MPDZ: variants seen among roughly 807,000 people sequenced by gnomAD.
MPDZ encodes multiple PDZ domain crumbs cell polarity complex component.
Under a neutral mutation model 239.1 loss-of-function variants are expected in MPDZ, and 234 were observed. That is an observed-to-expected ratio of 0.98 (90% CI 0.88 to 1.09). The LOEUF (loss-of-function observed/expected upper bound fraction) is 1.09, where lower values mean the gene tolerates loss of function less well. Among genes scored for constraint, MPDZ ranks in the 50% least tolerant of loss-of-function variants. The pLI, the probability that MPDZ is intolerant of heterozygous loss-of-function variation, is 0.00. For missense variants in MPDZ, 3,175 were observed against 2,510.0 expected, an observed-to-expected ratio of 1.26 and a Z score of -5.66; for synonymous variants, 1,048 against 881.3, an observed-to-expected ratio of 1.19 and a Z score of -3.35.
chr9:13,181,969 G>C (rs1953400363), intron 19 of MPDZ, among the ~76,000 whole-genome samples: 1 of 152,078 alleles, frequency 6.6e-6, no homozygotes, highest in African/African-American at 2.4e-5. Context: ...TGAGAGAGGA[G>C]CAGCTGCTCC....
chr9:13,137,240 G>A (rs542140747), intron 29 of MPDZ, among the ~76,000 whole-genome samples: 2 of 152,248 alleles, frequency 1.3e-5, no homozygotes, highest in South Asian at 2.1e-4. Flanking sequence ...GTCACTGGGA[G>A]AAGAAATGCT....
intron 33 of MPDZ, 29 bp downstream of exon 33, chr9:13,126,651 T>A: frequency 6.2e-7 from 1 of 1,612,416 alleles, no homozygotes; most frequent in Non-Finnish European, 8.5e-7. Flanking sequence ...CCCCAACTAC[T>A]TAATGACAGC....
intron 22 of MPDZ, among the ~76,000 whole-genome samples, chr9:13,166,918 G>C (rs974500283): frequency 6.6e-6 from 1 of 152,038 alleles, no homozygotes; most frequent in African/African-American, 2.4e-5. Flanking sequence ...ATTTTTTAAC[G>C]ACTTTTAAAG....
intron 24 of MPDZ, among the ~76,000 whole-genome samples, chr9:13,156,272 C>T (rs6474754): frequency 0.47 from 71,170 of 152,066 alleles, 19,636 homozygotes; most frequent in African/African-American, 0.77. Flanking sequence ...GAGCCAAAAT[C>T]CTAACATGGC....
At position 13,165,969 on chromosome 9, in the gene MPDZ, G is replaced by A. The variant is rs117860613; in HGVS notation, c.3254+2397C>T. 7.9e-3 allele frequency among the ~76,000 whole-genome samples: 1,197 copies of A among 152,122 alleles called. 9 individuals are homozygous for A. The highest frequency in any genetic ancestry group is 0.027 in the Middle Eastern group (8 of 294). On this transcript the variant is annotated intron_variant, in intron 22 of 46. Coordinates refer to ENST00000319217, the MANE Select transcript of MPDZ (RefSeq NM_001378778.1). ...ACACAAAAGTTCCTAGCTATCTATC[G>A]TAAATGGCAAAAAAGAAATCCAGTG...
In MPDZ at chr9:13,123,286, G is replaced by A. The variant is rs781048567; in HGVS notation, c.4820C>T (p.Ser1607Leu). The A allele has an allele frequency of 1.2e-5, 20 of 1,609,658 alleles. No homozygotes were observed. Among genetic ancestry groups the A allele is most frequent in the African/African-American group, 2.7e-5 (2 of 74,792 alleles). The change falls in exon 36 of 47, where the codon TCA (serine) becomes TTA (leucine). Residue 1607 changes from serine to leucine, a missense_variant. Physicochemically the swap from Ser to Leu is moderately radical, Grantham distance 145. Transcript: ENST00000319217. ...AGAAGCAAAAATTGCTGGTGTTGAT[G>A]ATCTGCTTGTATCTAAAAATAAGTT... ...EPESIRNTSR[S>L]STPAIFASDP...
rs1944157524 is a variant in MPDZ at position 13,120,361 on chromosome 9, T to C, written c.5232-712A>G. On this transcript the variant is annotated intron_variant, in intron 38 of 46. Transcript: ENST00000319217. ...TTGCCAAGGTCATGACATCAAATCA[T>C]TTCACCATTTGATCCTCCGCTTTCC... 3 of 152,226 alleles carry C rather than the reference T, an allele frequency of 2.0e-5. No individual in the cohort carries two copies. In the South Asian group the frequency reaches 6.2e-4, roughly 32 times the overall value. The allele number at this position is 152,226 out of a possible 1,614,324, so 9.4% of individuals were successfully genotyped here. A position where few individuals can be genotyped will look rare whatever the true frequency, so the allele number is the denominator to read the frequency against.
At chr9:13,229,506 C>A (rs1171872236) in intron 3 of MPDZ, among the ~76,000 whole-genome samples, 1 of 146,784 alleles carries the variant, frequency 6.8e-6, no homozygotes, top group Non-Finnish European at 1.5e-5. Context: ...CAGATGTTAA[C>A]AAGATGATTT....
intron 12 of MPDZ, among the ~76,000 whole-genome samples, chr9:13,196,716 A>G (rs1955700150): frequency 6.6e-6 from 1 of 151,998 alleles, no homozygotes; most frequent in Non-Finnish European, 1.5e-5. Flanking sequence ...ATAATAATAA[A>G]CTAAGGCTAC....
chr9:13,226,260 T>C (rs1175650226), intron 3 of MPDZ, among the ~76,000 whole-genome samples: 1 of 152,166 alleles, frequency 6.6e-6, no homozygotes, highest in Non-Finnish European at 1.5e-5. Context: ...AATGATTCTA[T>C]AATTATTTGT....
intron 19 of MPDZ, among the ~76,000 whole-genome samples, chr9:13,179,256 A>C (rs1952949219): frequency 6.6e-6 from 1 of 152,164 alleles, no homozygotes; most frequent in Admixed American, 6.5e-5. Context: ...TGATAATTTT[A>C]TTCTTAGGAA....
At chr9:13,209,687 A>G (rs1174317746) in intron 10 of MPDZ, among the ~76,000 whole-genome samples, 1 of 152,198 alleles carries the variant, frequency 6.6e-6, no homozygotes, top group African/African-American at 2.4e-5. Context: ...GAAACTTACT[A>G]TCAAAATAGT....
At chr9:13,124,434 A>G (rs946893656) in intron 35 of MPDZ, among the ~76,000 whole-genome samples, 1 of 152,234 alleles carries the variant, frequency 6.6e-6, no homozygotes, top group African/African-American at 2.4e-5. Flanking sequence ...TTGGAGGCCA[A>G]AAGAAATTTC....
chr9:13,265,975 T>C (rs1971710890), intron 1 of MPDZ, among the ~76,000 whole-genome samples: 2 of 152,336 alleles, frequency 1.3e-5, no homozygotes, highest in South Asian at 2.1e-4. Context: ...TCTAGGACTT[T>C]CCCAACTCTT....
At position 13,185,917 on chromosome 9, in the gene MPDZ, C is replaced by T. The variant is rs181705240; in HGVS notation, c.2481+353G>A. Among the ~76,000 whole-genome samples, 6 of 151,978 alleles carry T rather than the reference C, an allele frequency of 3.9e-5. No homozygotes were observed. The East Asian group carries it at 1.2e-3, about 29-fold the overall frequency. Reference sequence around the variant, plus strand: ...TACCTATTACCTCATTAAATACAGCCAAAACAGTGATTTATGACTGAATAT... The same window carrying T: ...TACCTATTACCTCATTAAATACAGCTAAAACAGTGATTTATGACTGAATAT... On this transcript the variant is annotated intron_variant, in intron 18 of 46. Transcript: ENST00000319217.
rs1273912879 is a variant in MPDZ, at chr9:13,147,552, G to T, written c.3737C>A (p.Pro1246Gln). 7 of 1,610,404 alleles carry T rather than the reference G, an allele frequency of 4.3e-6. 1 individual carries two copies. Among genetic ancestry groups the T allele is most frequent in the South Asian group, 2.2e-5 (2 of 90,968 alleles). Residue 1246 changes from proline (P) to glutamine (Q), a missense_variant, in exon 26 of 47, where the codon CCA (proline) becomes CAA (glutamine). Transcript: ENST00000319217. Reference sequence around the variant, plus strand: ...TTGCCCTTTGTGTTCGCTTACCCTTGGTCTGTTTATAATGCTCTGTACCAT... The same window carrying T: ...TTGCCCTTTGTGTTCGCTTACCCTTTGTCTGTTTATAATGCTCTGTACCAT... ...VFMVQSIINRPRKSPLPSLLH... is the reference protein window; with the variant it reads ...VFMVQSIINRQRKSPLPSLLH...
chr9:13,242,803 T>G (rs1192885758), intron 3 of MPDZ, among the ~76,000 whole-genome samples: 4 of 152,194 alleles, frequency 2.6e-5, no homozygotes, highest in African/African-American at 9.7e-5. Context: ...GCAGACATTA[T>G]AAGCCCAGTC....
At chr9:13,144,335 C>T (rs2132670399) in intron 26 of MPDZ, among the ~76,000 whole-genome samples, 1 of 151,924 alleles carries the variant, frequency 6.6e-6, no homozygotes, top group South Asian at 2.1e-4. Flanking sequence ...AGTAATAAGC[C>T]CTGAGCCAGA....
At position 13,234,571 on chromosome 9, in the gene MPDZ, T is replaced by TTATG. The variant is rs202176378; in HGVS notation, c.184-9992_184-9989dup. 4.8e-3 allele frequency among the ~76,000 whole-genome samples: 731 copies of TTATG among 152,262 alleles called. 4 individuals carry two copies. Among genetic ancestry groups the TTATG allele is most frequent in the African/African-American group, 0.016 (648 of 41,570 alleles). On this transcript the variant is annotated intron_variant, in intron 3 of 46. Transcript: ENST00000319217. ...AGTAAGAATAAAATGACCAAAATACTTATGTTTGATGGATATTATATCATT... is the reference window on the plus strand; with the variant it reads ...AGTAAGAATAAAATGACCAAAATACTTATGTATGTTTGATGGATATTATATCATT...
Sources: allele counts gnomAD v4.1 joint callset (sites outside exome capture counted in the v4.1 genomes callset), GRCh38; gene constraint gnomAD v4.1.1; transcripts MANE v1.5; gene names NCBI Gene and HGNC (gene_info 2026-07-23, HGNC 2026-07-21).